Variants in KIAA1671 observed in about 807,000 individuals in gnomAD.
KIAA1671 encodes the protein uncharacterized protein KIAA1671.
Under a neutral mutation model 131.2 loss-of-function variants are expected in KIAA1671, and 52 were observed. That is an observed-to-expected ratio of 0.40 (90% CI 0.32 to 0.50). KIAA1671 has a LOEUF of 0.50. KIAA1671 is among the 20% of genes least tolerant of loss of function. KIAA1671 has a pLI of 0.73. For synonymous variants in KIAA1671, 1,003 were observed against 961.6 expected, an observed-to-expected ratio of 1.04 and a Z score of -0.80; for missense variants, 2,360 against 2,364.2, an observed-to-expected ratio of 1.00 and a Z score of 0.04.
At chr22:24,966,782 G>C (rs940203418) in intron 1 of KIAA1671, among the ~76,000 whole-genome samples, 9 of 152,100 alleles carry the variant, frequency 5.9e-5, no homozygotes, top group African/African-American at 2.2e-4. Flanking sequence ...GTGAGACCCT[G>C]TCTCTACAAA....
chr22:25,066,255 C>A (rs1928471713), intron 6 of KIAA1671, among the ~76,000 whole-genome samples: 1 of 152,156 alleles, frequency 6.6e-6, no homozygotes, highest in Admixed American at 6.5e-5. Flanking sequence ...CTTGAGCAAT[C>A]CTCCTACCTC....
At chr22:25,105,829 G>GC (rs1273146823) in intron 6 of KIAA1671, among the ~76,000 whole-genome samples, 3 of 151,552 alleles carry the variant, frequency 2.0e-5, no homozygotes, top group South Asian at 4.2e-4. Flanking sequence ...TGGGGGGGGG[G>GC]GGTGCCAAAC....
At position 25,197,409 on chromosome 22, in the gene KIAA1671, A is replaced by G. The variant is rs1034751686; in HGVS notation, c.*5008A>G. The G allele has an allele frequency of 6.6e-6, 1 of 152,272 alleles. No individual in the cohort carries two copies. The highest frequency in any genetic ancestry group is 2.4e-5 in the African/African-American group (1 of 41,472). The allele number at this position is 152,272 out of a possible 1,614,324, so 9.4% of individuals were successfully genotyped here. On this transcript the variant is annotated 3_prime_UTR_variant, in exon 13 of 13. Coordinates refer to ENST00000358431, the MANE Select transcript of KIAA1671 (RefSeq NM_001145206.2). ...CAAAGATGTTGCATTCAGACTATGAAAATAGCAAATAAAGCTTTGGTGCAA... is the reference window on the plus strand; with the variant it reads ...CAAAGATGTTGCATTCAGACTATGAGAATAGCAAATAAAGCTTTGGTGCAA...
At chr22:24,985,226 G>A (rs1230824356) in intron 1 of KIAA1671, among the ~76,000 whole-genome samples, 1 of 152,118 alleles carries the variant, frequency 6.6e-6, no homozygotes, top group African/African-American at 2.4e-5. Context: ...CGTAAATTAG[G>A]TGCTGTCTCC....
intron 11 of KIAA1671, chr22:25,185,895 C>T (rs1039925080): frequency 1.3e-5 from 2 of 152,150 alleles, no homozygotes; most frequent in Non-Finnish European, 2.9e-5. Context: ...TGTAGAAGTA[C>T]TCAGTGAAGC....
chr22:25,113,821 A>C (rs899887262), intron 6 of KIAA1671, among the ~76,000 whole-genome samples: 4 of 152,182 alleles, frequency 2.6e-5, no homozygotes, highest in African/African-American at 9.7e-5. Context: ...TGCCACAGGG[A>C]AAGAAGGCCC....
At chr22:25,190,651 G>T in intron 11 of KIAA1671, 51 bp from the exon 12 acceptor site, 2 of 1,470,038 alleles carry the variant, frequency 1.4e-6, no homozygotes, top group Admixed American at 2.0e-5. Flanking sequence ...CTGCCCGCAA[G>T]GAGCCCACAG....
intron 1 of KIAA1671, among the ~76,000 whole-genome samples, chr22:24,969,386 G>C (rs1602033313): frequency 6.6e-6 from 1 of 152,080 alleles, no homozygotes; most frequent in South Asian, 2.1e-4. Flanking sequence ...GATTACTTAT[G>C]ATACCTAATC....
At position 25,183,730 on chromosome 22, in the gene KIAA1671, G is replaced by A. The variant is rs185802978; in HGVS notation, c.5200-1247G>A. Among the ~76,000 whole-genome samples the A allele has an allele frequency of 5.1e-3, 780 of 151,932 alleles. 6 individuals are homozygous for A. Among genetic ancestry groups the A allele is most frequent in the Non-Finnish European group, 6.4e-3 (436 of 67,964 alleles). ...GTAGAAACGGGGTTTCACCATGTTA[G>A]TAAGGATGGTCTCAATCTCCTGACC... On this transcript the variant is annotated intron_variant, in intron 10 of 12. Coordinates refer to ENST00000358431, the MANE Select transcript of KIAA1671 (RefSeq NM_001145206.2).
chr22:25,146,885 A>C (rs2145970078), intron 6 of KIAA1671, among the ~76,000 whole-genome samples: 1 of 152,336 alleles, frequency 6.6e-6, no homozygotes, highest in Non-Finnish European at 1.5e-5. Flanking sequence ...TGAGCTGGGC[A>C]GACCTCAGCC....
chr22:25,056,442 G>A (rs1313083985), intron 6 of KIAA1671: 8 of 149,250 alleles, frequency 5.4e-5, no homozygotes, highest in African/African-American at 1.7e-4. Context: ...TACCAGCTAT[G>A]TGACTTTGAG....
At chr22:25,179,056 G>C (rs1479121779) in intron 9 of KIAA1671, among the ~76,000 whole-genome samples, 2 of 152,212 alleles carry the variant, frequency 1.3e-5, no homozygotes, top group Non-Finnish European at 2.9e-5. Context: ...GCCCCCGGGG[G>C]ACCCAGCCGC....
chr22:25,026,567 C>A (rs1925953529), intron 2 of KIAA1671, among the ~76,000 whole-genome samples: 1 of 152,066 alleles, frequency 6.6e-6, no homozygotes, highest in Non-Finnish European at 1.5e-5. Context: ...CCCACCTCTA[C>A]TAAAACCACA....
chr22:25,184,280 G>T (rs562520219), intron 10 of KIAA1671, among the ~76,000 whole-genome samples: 24 of 152,298 alleles, frequency 1.6e-4, no homozygotes, highest in African/African-American at 5.3e-4. Context: ...GGAAAGCCAG[G>T]ATCTGCCCTA....
At chr22:25,066,387 G>A (rs544903732) in intron 6 of KIAA1671, among the ~76,000 whole-genome samples, 5 of 152,100 alleles carry the variant, frequency 3.3e-5, no homozygotes, top group East Asian at 1.9e-4. Flanking sequence ...CACCTCAAAC[G>A]ATCCTCCCAC....
intron 6 of KIAA1671, among the ~76,000 whole-genome samples, chr22:25,156,412 T>C (rs140353581): frequency 3.9e-4 from 59 of 152,226 alleles, no homozygotes; most frequent in South Asian, 1.9e-3. Context: ...TTTTCATGTG[T>C]ATATGTGTTT....
intron 6 of KIAA1671, among the ~76,000 whole-genome samples, chr22:25,106,073 C>T (rs914681609): frequency 6.6e-6 from 1 of 152,128 alleles, no homozygotes; most frequent in Non-Finnish European, 1.5e-5. Flanking sequence ...GTCAGGTTCC[C>T]TAGAAGCAGA....
At chr22:25,180,016 C>G (rs1291110116) in intron 9 of KIAA1671, among the ~76,000 whole-genome samples, 1 of 115,850 alleles carries the variant, frequency 8.6e-6, no homozygotes, top group Non-Finnish European at 1.9e-5. Context: ...ATCAAAGGGA[C>G]AGAGATGTGG....
chr22:25,085,791 G>A (rs867222667), intron 6 of KIAA1671, among the ~76,000 whole-genome samples: 8 of 142,252 alleles, frequency 5.6e-5, no homozygotes, highest in Non-Finnish European at 1.3e-4. Context: ...GGAAGGGAGG[G>A]AGGGAGGGAG....
Sources: gnomAD v4.1 joint callset for allele counts (sites outside exome capture counted in the v4.1 genomes callset) on GRCh38, gnomAD v4.1.1 for gene constraint, MANE v1.5 for transcripts, NCBI Gene and HGNC (gene_info 2026-07-23, HGNC 2026-07-21) for gene names.